TMEM184C: variants seen among roughly 807,000 people sequenced by gnomAD.
TMEM184C encodes the protein transmembrane protein 184C.
TMEM184C carries 25 observed loss-of-function variants against 54.5 expected under a neutral mutation model. That is an observed-to-expected ratio of 0.46 (90% CI 0.33 to 0.64). TMEM184C has a LOEUF of 0.64. Among genes scored for constraint, TMEM184C ranks in the 30% least tolerant of loss-of-function variants. TMEM184C has a pLI of 0.02. For missense variants in TMEM184C, 335 were observed against 520.3 expected (o/e 0.64, Z 3.46); for synonymous variants, 148 against 181.5 (o/e 0.82, Z 1.49).
At chr4:147,629,160 C>T (rs1464887669) in intron 5 of TMEM184C, among the ~76,000 whole-genome samples, 2 of 151,992 alleles carry the variant, frequency 1.3e-5, no homozygotes, top group African/African-American at 4.8e-5. Flanking sequence ...TTGAGGGGAT[C>T]TGGGTCTTCA....
Position 147,635,444 on chromosome 4 carries a change from C to G in TMEM184C, c.*1010C>G, listed in dbSNP as rs183181161. 6.6e-6 allele frequency: 1 copy of G among 152,118 alleles called. No individual in the cohort carries two copies. Among genetic ancestry groups the G allele is most frequent in the Non-Finnish European group, 1.5e-5 (1 of 68,016 alleles). 9.4% of individuals were successfully genotyped at this position (152,118 alleles called of 1,614,324 possible). A position where few individuals can be genotyped will look rare whatever the true frequency, so the allele number is the denominator to read the frequency against. On this transcript the variant is annotated 3_prime_UTR_variant, in exon 10 of 10. Transcript: ENST00000296582. ...GACATATAGGTGCTATTTGGGAAAACTTTTTATTACCTAGGATGGGGTTTC... is the reference window on the plus strand; with the variant it reads ...GACATATAGGTGCTATTTGGGAAAAGTTTTTATTACCTAGGATGGGGTTTC...
intron 1 of TMEM184C, among the ~76,000 whole-genome samples, chr4:147,621,191 A>C (rs1174630032): frequency 6.6e-6 from 1 of 151,988 alleles, no homozygotes; most frequent in Admixed American, 6.6e-5. Flanking sequence ...TAACCTCAGC[A>C]CATTTACCTC....
chr4:147,635,157 T>C lies in TMEM184C; in HGVS notation c.*723T>C, dbSNP rs190919721. On this transcript the variant is annotated 3_prime_UTR_variant, in exon 10 of 10. Transcript: ENST00000296582. ...TAATCATGTGCCATATAAGCTTACC[T>C]AACAAACAGTTATATCCCTATTCCT... is the stretch of plus-strand genomic sequence containing the variant. 1 of 152,228 alleles carries C rather than the reference T, an allele frequency of 6.6e-6. No homozygotes were observed. The highest frequency in any genetic ancestry group is 1.5e-5 in the Non-Finnish European group (1 of 68,044). 9.4% of individuals were successfully genotyped at this position (152,228 alleles called of 1,614,324 possible).
At chr4:147,631,936 T>C (rs907853204) in intron 7 of TMEM184C, among the ~76,000 whole-genome samples, 1 of 152,078 alleles carries the variant, frequency 6.6e-6, no homozygotes, top group Non-Finnish European at 1.5e-5. Flanking sequence ...TCCCAGCACT[T>C]TGGGAGGCCA....
At chr4:147,622,750 T>C (rs1229386947) in intron 1 of TMEM184C, among the ~76,000 whole-genome samples, 1 of 152,176 alleles carries the variant, frequency 6.6e-6, no homozygotes. Context: ...AGTAAGACTT[T>C]GTATTAGCTT....
intron 1 of TMEM184C, among the ~76,000 whole-genome samples, chr4:147,619,258 C>T (rs550411858): frequency 5.9e-5 from 9 of 151,848 alleles, no homozygotes; most frequent in African/African-American, 1.7e-4. Flanking sequence ...AGTGCAGTGG[C>T]GCGATCTTGG....
At chr4:147,628,708 G>T (rs1215861557) in intron 5 of TMEM184C, among the ~76,000 whole-genome samples, 1 of 152,012 alleles carries the variant, frequency 6.6e-6, no homozygotes, top group Non-Finnish European at 1.5e-5. Flanking sequence ...TTCTTTTTCA[G>T]ATACATAGCT....
At chr4:147,632,172 CAAAAA>C (rs537342410) in intron 7 of TMEM184C, among the ~76,000 whole-genome samples, 1 of 123,182 alleles carries the variant, frequency 8.1e-6, no homozygotes, top group African/African-American at 3.1e-5. Context: ...AACTCTGTCT[CAAAAA>C]AAAAAAAAAA....
At chr4:147,632,613 A>C (rs1732936963) in intron 7 of TMEM184C, 1 of 330,454 alleles carries the variant, frequency 3.0e-6, no homozygotes, top group African/African-American at 2.1e-5. Context: ...CAACTATGAA[A>C]GCATGTCCAT....
Position 147,617,766 on chromosome 4 carries a change from A to T in TMEM184C, c.-191A>T. The T allele has an allele frequency of 1.5e-6, 1 of 677,970 alleles. No individual in the cohort carries two copies. The highest frequency in any genetic ancestry group is 2.6e-6 in the Non-Finnish European group (1 of 391,690). 42.0% of individuals were successfully genotyped at this position (677,970 alleles called of 1,614,324 possible). A position where few individuals can be genotyped will look rare whatever the true frequency, so the allele number is the denominator to read the frequency against. On this transcript the variant is annotated 5_prime_UTR_variant, in exon 1 of 10. Transcript: ENST00000296582. The stretch of plus-strand genomic sequence containing the variant: ...CTCGCCAATAGCACCCTGAGAGGCT[A>T]CATTTGCAGAAGCAGCAGCAGCAGA...
At position 147,634,509 on chromosome 4, in the gene TMEM184C, A is replaced by C. The variant is rs142411350; in HGVS notation, c.*75A>C. 80 of 1,508,310 alleles carry C rather than the reference A, an allele frequency of 5.3e-5. 1 individual carries two copies. In the African/African-American group the frequency reaches 1.0e-3, roughly 19 times the overall value. The allele number at this position is 1,508,310 out of a possible 1,614,324, so 93.4% of individuals were successfully genotyped here. On this transcript the variant is annotated 3_prime_UTR_variant, in exon 10 of 10. Transcript: ENST00000296582. Reference sequence around the variant, plus strand: ...GTATCCCATGGATTTTGTGCTTGGGACAGACCATAAATGATGGAAAATGTC... The same window carrying C: ...GTATCCCATGGATTTTGTGCTTGGGCCAGACCATAAATGATGGAAAATGTC...
At chr4:147,630,494 C>G (rs1030624242) in intron 6 of TMEM184C, among the ~76,000 whole-genome samples, 3 of 151,954 alleles carry the variant, frequency 2.0e-5, no homozygotes, top group African/African-American at 7.2e-5. Flanking sequence ...TTGTAAATAA[C>G]AAAAGGCTGA....
At position 147,620,624 on chromosome 4, in the gene TMEM184C, A is replaced by C. The variant is rs144465034; in HGVS notation, c.123+2545A>C. ...AGCAGGAGTGGAAATGGAAAACTGAATTGTAAGTATCCTTAGAAGTGAGCA... is the reference window on the plus strand; with the variant it reads ...AGCAGGAGTGGAAATGGAAAACTGACTTGTAAGTATCCTTAGAAGTGAGCA... On this transcript the variant is annotated intron_variant, in intron 1 of 9. Coordinates refer to ENST00000296582, the MANE Select transcript of TMEM184C (RefSeq NM_018241.3). 3.8e-3 allele frequency among the ~76,000 whole-genome samples: 584 copies of C among 152,336 alleles called. 2 individuals are homozygous for C. Among genetic ancestry groups the C allele is most frequent in the Non-Finnish European group, 5.8e-3 (394 of 68,030 alleles).
rs1042703070 is a variant in TMEM184C at position 147,636,064 on chromosome 4, A to T, written c.*1630A>T. ...TTAAAATGGTCACACTACCCAAAGC[A>T]ATTCAGAATCAATGCAATCCTATCA... On this transcript the variant is annotated 3_prime_UTR_variant, in exon 10 of 10. Transcript: ENST00000296582. The T allele has an allele frequency of 1.3e-5, 2 of 152,142 alleles. No homozygotes were observed. Among genetic ancestry groups the T allele is most frequent in the African/African-American group, 4.8e-5 (2 of 41,452 alleles). The allele number at this position is 152,142 out of a possible 1,614,324, so 9.4% of individuals were successfully genotyped here. A position where few individuals can be genotyped will look rare whatever the true frequency, so the allele number is the denominator to read the frequency against.
In TMEM184C at chr4:147,629,674, A is replaced by C; in HGVS notation, c.648A>C (p.Ile216=). 1.3e-6 allele frequency: 2 copies of C among 1,587,166 alleles called. No individual in the cohort carries two copies. Among genetic ancestry groups the C allele is most frequent in the South Asian group, 2.4e-5 (2 of 84,908 alleles). ...ATGCTTGGACTTATTTGGTTATAATAAACAACATGTCACAGTTGGTAAGTA... is the reference window on the plus strand; with the variant it reads ...ATGCTTGGACTTATTTGGTTATAATCAACAACATGTCACAGTTGGTAAGTA... The part of the protein sequence containing the change: ...FSNAWTYLVI[I]NNMSQLFAMY... The change falls in exon 6 of 10, where the codon ATA becomes ATC. Residue 216 remains isoleucine (I), a synonymous_variant. Coordinates refer to ENST00000296582, the MANE Select transcript of TMEM184C (RefSeq NM_018241.3).
At chr4:147,620,604 G>A (rs1438763495) in intron 1 of TMEM184C, among the ~76,000 whole-genome samples, 1 of 152,242 alleles carries the variant, frequency 6.6e-6, no homozygotes, top group African/African-American at 2.4e-5. Flanking sequence ...AGGATAGCAG[G>A]AGTGGAAATG....
chr4:147,631,874 T>C (rs1490344542), intron 7 of TMEM184C, among the ~76,000 whole-genome samples: 1 of 152,142 alleles, frequency 6.6e-6, no homozygotes, highest in African/African-American at 2.4e-5. Flanking sequence ...GGTAAAACTA[T>C]ACATAGTTCA....
intron 1 of TMEM184C, among the ~76,000 whole-genome samples, chr4:147,618,544 G>C (rs1732643077): frequency 6.6e-6 from 1 of 152,076 alleles, no homozygotes. Flanking sequence ...CAAAGGTTTT[G>C]CAAAAAGTCC....
intron 1 of TMEM184C, among the ~76,000 whole-genome samples, chr4:147,618,406 G>C (rs1287894989): frequency 1.3e-5 from 2 of 152,138 alleles, no homozygotes; most frequent in Non-Finnish European, 2.9e-5. Flanking sequence ...ACGAAACTAG[G>C]TCAAATAAAC....
Sources: gnomAD v4.1 joint callset for allele counts (sites outside exome capture counted in the v4.1 genomes callset) on GRCh38, gnomAD v4.1.1 for gene constraint, MANE v1.5 for transcripts, NCBI Gene and HGNC (gene_info 2026-07-23, HGNC 2026-07-21) for gene names.